Variants in IFNG-AS1 observed in about 807,000 individuals in gnomAD.
IFNG-AS1 encodes IFNG antisense RNA 1 (non-protein coding).
intron 2 of IFNG-AS1, among the ~76,000 whole-genome samples, chr12:67,999,702 G>A (rs1414827684): frequency 6.6e-6 from 1 of 152,140 alleles, no homozygotes; most frequent in African/African-American, 2.4e-5. Context: ...TATAATTAAC[G>A]AGTGTCAAAT....
intron 2 of IFNG-AS1, among the ~76,000 whole-genome samples, chr12:67,998,551 G>A (rs1284751561): frequency 6.6e-6 from 1 of 151,802 alleles, no homozygotes; most frequent in Admixed American, 6.6e-5. Flanking sequence ...GATGATGGGG[G>A]TGGGAAAGGA....
chr12:68,004,283 A>T (rs1879856690), intron 2 of IFNG-AS1, among the ~76,000 whole-genome samples: 1 of 152,154 alleles, frequency 6.6e-6, no homozygotes, highest in Admixed American at 6.5e-5. Flanking sequence ...TTGTCTTTTA[A>T]ATGGGCTCCC....
At chr12:68,001,730 G>A (rs1291190000) in intron 2 of IFNG-AS1, among the ~76,000 whole-genome samples, 3 of 152,262 alleles carry the variant, frequency 2.0e-5, no homozygotes, top group Middle Eastern at 3.4e-3. Flanking sequence ...CCACTTGCTC[G>A]TGAGATTCTC....
At chr12:68,006,347 A>G (rs1435044042) in intron 3 of IFNG-AS1, among the ~76,000 whole-genome samples, 2 of 152,240 alleles carry the variant, frequency 1.3e-5, no homozygotes, top group South Asian at 2.1e-4. Context: ...TCTAGAAAAA[A>G]GTTAAAGAAG....
intron 4 of IFNG-AS1, chr12:68,020,652 G>A (rs1880265120): frequency 1.3e-5 from 2 of 152,114 alleles, no homozygotes; most frequent in African/African-American, 4.8e-5. Context: ...AGGGAATCTG[G>A]GCAGAGTGTT....
intron 2 of IFNG-AS1, among the ~76,000 whole-genome samples, chr12:68,004,781 A>G (rs912722770): frequency 6.6e-6 from 1 of 152,138 alleles, no homozygotes; most frequent in African/African-American, 2.4e-5. Flanking sequence ...GAGTCTTCCA[A>G]TACGGTCTTT....
At chr12:67,992,652 G>A (rs570075340) in intron 1 of IFNG-AS1, among the ~76,000 whole-genome samples, 5 of 152,278 alleles carry the variant, frequency 3.3e-5, no homozygotes, top group African/African-American at 9.6e-5. Flanking sequence ...ACAGAATACT[G>A]AAGTAAAATC....
chr12:68,019,489 C>T lies in IFNG-AS1; in HGVS notation n.242-373C>T, dbSNP rs77347599. On this transcript the variant is annotated intron_variant and non_coding_transcript_variant, in intron 3 of 5. Coordinates refer to ENST00000536914, the Ensembl canonical transcript of IFNG-AS1. ...CTGTGCTTCCCTGACTCCCACGTAC[C>T]TCTGGAGCACAGCGTCTGGCTTTCA... Among the ~76,000 whole-genome samples, 214 of 152,274 alleles carry T rather than the reference C, an allele frequency of 1.4e-3. 1 individual carries two copies. Among genetic ancestry groups the T allele is most frequent in the Admixed American group, 7.9e-3 (121 of 15,290 alleles).
At chr12:68,000,673 TA>T (rs1031132777) in intron 2 of IFNG-AS1, among the ~76,000 whole-genome samples, 11 of 148,952 alleles carry the variant, frequency 7.4e-5, no homozygotes, top group Non-Finnish European at 9.0e-5. Context: ...CCTTGTCTCT[TA>T]AAAAAAAAAG....
chr12:68,010,921 C>T (rs1271615917), intron 3 of IFNG-AS1, among the ~76,000 whole-genome samples: 2 of 152,158 alleles, frequency 1.3e-5, no homozygotes, highest in South Asian at 2.1e-4. Flanking sequence ...ATAATAGTTA[C>T]TCTTTCTTTA....
intron 1 of IFNG-AS1, among the ~76,000 whole-genome samples, chr12:67,992,041 T>C (rs1353416231): frequency 6.6e-6 from 1 of 152,156 alleles, no homozygotes; most frequent in Non-Finnish European, 1.5e-5. Flanking sequence ...GCCAATTCTC[T>C]TCCTCTCTCT....
intron 3 of IFNG-AS1, among the ~76,000 whole-genome samples, chr12:68,011,164 C>A (rs1345727960): frequency 6.6e-6 from 1 of 152,114 alleles, no homozygotes; most frequent in Non-Finnish European, 1.5e-5. Context: ...AACTGTACGA[C>A]CAGAGGCATA....
intron 1 of IFNG-AS1, among the ~76,000 whole-genome samples, chr12:67,992,959 T>A (rs1169304903): frequency 6.6e-6 from 1 of 152,208 alleles, no homozygotes; most frequent in Non-Finnish European, 1.5e-5. Flanking sequence ...AAATACTGCA[T>A]GCAAAATTAT....
intron 1 of IFNG-AS1, among the ~76,000 whole-genome samples, chr12:67,990,126 A>T (rs1565684976): frequency 6.6e-6 from 1 of 152,190 alleles, no homozygotes; most frequent in Non-Finnish European, 1.5e-5. Flanking sequence ...TACTAATTGC[A>T]TAATTACTGC....
chr12:68,006,155 A>G (rs978564678), intron 3 of IFNG-AS1: 1 of 152,256 alleles, frequency 6.6e-6, no homozygotes, highest in African/African-American at 2.4e-5. Flanking sequence ...TGGTGAGTAC[A>G]TAAGAGATTT....
At chr12:68,013,338 G>T (rs1880075636) in intron 3 of IFNG-AS1, among the ~76,000 whole-genome samples, 1 of 152,196 alleles carries the variant, frequency 6.6e-6, no homozygotes. Flanking sequence ...AAGCTGCCCT[G>T]CCTTCCTCTG....
At chr12:68,007,383 C>G (rs992123267) in intron 3 of IFNG-AS1, among the ~76,000 whole-genome samples, 1 of 152,168 alleles carries the variant, frequency 6.6e-6, no homozygotes, top group African/African-American at 2.4e-5. Flanking sequence ...TCATATACCC[C>G]CTTGACAATT....
At chr12:68,017,305 G>A (rs1422856521) in intron 3 of IFNG-AS1, among the ~76,000 whole-genome samples, 2 of 152,212 alleles carry the variant, frequency 1.3e-5, no homozygotes, top group African/African-American at 4.8e-5. Context: ...GAAGGTTTGG[G>A]TTGAATTCCA....
chr12:67,997,281 T>C (rs1879662866), intron 2 of IFNG-AS1, among the ~76,000 whole-genome samples: 1 of 152,086 alleles, frequency 6.6e-6, no homozygotes, highest in Non-Finnish European at 1.5e-5. Flanking sequence ...GAGTGTAGGA[T>C]GCAGGTGCAT....
Sources: gnomAD v4.1 joint callset for allele counts (sites outside exome capture counted in the v4.1 genomes callset) on GRCh38, gnomAD v4.1.1 for gene constraint, MANE v1.5 for transcripts, NCBI Gene and HGNC (gene_info 2026-07-23, HGNC 2026-07-21) for gene names.